The following SCN4B variants were observed in gnomAD, a reference collection of about 807,000 sequenced individuals.
SCN4B encodes sodium channel regulatory subunit beta-4.
Under a neutral mutation model 19.6 loss-of-function variants are expected in SCN4B, and 20 were observed. That is an observed-to-expected ratio of 1.02 (90% confidence interval 0.72 to 1.48). The LOEUF (loss-of-function observed/expected upper bound fraction) is 1.48. Among genes scored for constraint, SCN4B ranks in the 40% most tolerant of loss-of-function variants. The pLI is 0.00. For missense variants in SCN4B, 271 were observed against 287.5 expected (o/e 0.94, Z 0.42); for synonymous variants, 127 against 122.8 (o/e 1.03, Z -0.22).
At chr11:118,137,594 C>T (rs999351837) in intron 4 of SCN4B, among the ~76,000 whole-genome samples, 1 of 152,214 alleles carries the variant, frequency 6.6e-6, no homozygotes, top group Non-Finnish European at 1.5e-5. Flanking sequence ...TCGCTTGAAC[C>T]TGGGAGGCGG....
intron 4 of SCN4B, among the ~76,000 whole-genome samples, chr11:118,138,339 A>T (rs1275365994): frequency 1.3e-5 from 2 of 152,130 alleles, no homozygotes; most frequent in East Asian, 3.9e-4. Flanking sequence ...ATCTTCCTAG[A>T]TCCCTTTTTC....
chr11:118,141,119 A>C (rs1386984438), intron 4 of SCN4B, 88 bp downstream of exon 4: 1 of 1,459,308 alleles, frequency 6.9e-7, no homozygotes, highest in East Asian at 2.3e-5. Flanking sequence ...GGGAAGGAGG[A>C]GGCAGGTGGA....
At chr11:118,137,257 A>G in intron 4 of SCN4B, 137 bp from the exon 5 acceptor site, 1 of 709,118 alleles carries the variant, frequency 1.4e-6, no homozygotes, top group Non-Finnish European at 2.6e-6. Context: ...GCCAGAGGCC[A>G]TGTCACCTAA....
chr11:118,144,987 G>C lies in SCN4B; in HGVS notation c.234+70C>G, dbSNP rs1187832259. 11 of 1,488,920 alleles carry C rather than the reference G, an allele frequency of 7.4e-6. No individual in the cohort carries two copies. In the Admixed American group the frequency reaches 1.8e-4, roughly 25 times the overall value. The allele number at this position is 1,488,920 out of a possible 1,614,324, so 92.2% of individuals were successfully genotyped here. A position where few individuals can be genotyped will look rare whatever the true frequency, so the allele number is the denominator to read the frequency against. ...TCGCAGTGGGTCTCAGTCCAGAAGG[G>C]ACCAGAGCGTAGGAGGCGAGGCATG... On this transcript the variant is annotated intron_variant, in intron 2 of 4. Coordinates refer to ENST00000324727, the MANE Select transcript of SCN4B (RefSeq NM_174934.4).
chr11:118,143,882 C>T lies in SCN4B; in HGVS notation c.414G>A (p.Glu138=). 6.2e-7 allele frequency: 1 copy of T among 1,613,438 alleles called. No individual in the cohort carries two copies. The highest frequency in any genetic ancestry group is 1.1e-5 in the South Asian group (1 of 91,020). ...TGGTGGCGTGGTGCTGGAGATTATT[C>T]TCCTTGGGGTTCTTCACATGGCAGG... ...KYTCHVKNPK[E]NNLQHHATIF... Residue 138 remains glutamate (E), a synonymous_variant, in exon 3 of 5, where the codon GAG becomes GAA. Transcript: ENST00000324727.
chr11:118,140,273 T>A (rs1210965047), intron 4 of SCN4B, among the ~76,000 whole-genome samples: 1 of 152,180 alleles, frequency 6.6e-6, no homozygotes, highest in Non-Finnish European at 1.5e-5. Context: ...GACAACCCAG[T>A]TCTGGGGTCC....
At chr11:118,151,058 G>A (rs148105265) in intron 1 of SCN4B, among the ~76,000 whole-genome samples, 3 of 152,230 alleles carry the variant, frequency 2.0e-5, no homozygotes, top group East Asian at 1.9e-4. Context: ...AGTCCTTGGA[G>A]AAGGTGGGGC....
intron 1 of SCN4B, chr11:118,145,756 G>C (rs935691661): frequency 1.5e-5 from 4 of 259,530 alleles, no homozygotes; most frequent in African/African-American, 8.9e-5. Flanking sequence ...CGCAGTCCCG[G>C]GCCGCCGTCC....
rs1212193501 is a variant in SCN4B at position 118,135,634 on chromosome 11, G to A, written c.*1393C>T. The stretch of plus-strand genomic sequence containing the variant: ...ACCTGGCCGACATCTCCAAGATTCA[G>A]TCACTGGCCAATTCCAGCCTCATGG... On this transcript the variant is annotated 3_prime_UTR_variant, in exon 5 of 5. Coordinates refer to ENST00000324727, the MANE Select transcript of SCN4B (RefSeq NM_174934.4). 1 of 454,274 alleles carries A rather than the reference G, an allele frequency of 2.2e-6. No homozygotes were observed. The highest frequency in any genetic ancestry group is 4.4e-6 in the Non-Finnish European group (1 of 226,776). The allele number at this position is 454,274 out of a possible 1,614,324, so 28.1% of individuals were successfully genotyped here. A position where few individuals can be genotyped will look rare whatever the true frequency, so the allele number is the denominator to read the frequency against.
At chr11:118,145,743 C>A (rs976493497) in intron 1 of SCN4B, 2 of 259,914 alleles carry the variant, frequency 7.7e-6, no homozygotes, top group East Asian at 2.0e-4. Flanking sequence ...GAAACGCGGC[C>A]GCCGCAGTCC....
Position 118,134,475 on chromosome 11 carries a change from A to G in SCN4B, c.*2552T>C. ...TCCATGGGTATAATGTTGACATGGG[A>G]CAGGATGATTCTTTGTTGTGGGGAC... On this transcript the variant is annotated 3_prime_UTR_variant, in exon 5 of 5. Coordinates refer to ENST00000324727, the MANE Select transcript of SCN4B (RefSeq NM_174934.4). The G allele has an allele frequency of 4.4e-6, 2 of 454,096 alleles. No individual in the cohort carries two copies. Among genetic ancestry groups the G allele is most frequent in the Non-Finnish European group, 8.8e-6 (2 of 226,790 alleles). 28.1% of individuals were successfully genotyped at this position (454,096 alleles called of 1,614,324 possible).
rs145423567 is a variant in SCN4B, at chr11:118,138,616, A to C, written c.594-1496T>G. Among the ~76,000 whole-genome samples, 1,206 of 152,280 alleles carry C rather than the reference A, an allele frequency of 7.9e-3. 15 individuals carry two copies. The highest frequency in any genetic ancestry group is 0.027 in the African/African-American group (1,105 of 41,540). On this transcript the variant is annotated intron_variant, in intron 4 of 4. Transcript: ENST00000324727. Reference sequence around the variant, plus strand: ...CTCTACTGAGAACCTACTGGGTACCAGGCACTGTGTCGGAAACGTGCACTC... The same window carrying C: ...CTCTACTGAGAACCTACTGGGTACCCGGCACTGTGTCGGAAACGTGCACTC...
chr11:118,136,577 C>T lies in SCN4B; in HGVS notation c.*450G>A. On this transcript the variant is annotated 3_prime_UTR_variant, in exon 5 of 5. Coordinates refer to ENST00000324727, the MANE Select transcript of SCN4B (RefSeq NM_174934.4). ...CAGGTCTTCTCCAGAGGCCTCCAGC[C>T]CACTCCCACCTCCAAAGGAAGCCAC... 1 of 454,426 alleles carries T rather than the reference C, an allele frequency of 2.2e-6. No individual in the cohort carries two copies. The highest frequency in any genetic ancestry group is 4.4e-6 in the Non-Finnish European group (1 of 227,056). The allele number at this position is 454,426 out of a possible 1,614,324, so 28.1% of individuals were successfully genotyped here. A position where few individuals can be genotyped will look rare whatever the true frequency, so the allele number is the denominator to read the frequency against.
At chr11:118,140,401 GA>G (rs1948079138) in intron 4 of SCN4B, among the ~76,000 whole-genome samples, 1 of 152,168 alleles carries the variant, frequency 6.6e-6, no homozygotes. Context: ...CTTCTCAGCA[GA>G]GCAGAATGTT....
Position 118,133,748 on chromosome 11 carries a change from C to G in SCN4B, c.*3279G>C, listed in dbSNP as rs145392070. 1 of 454,530 alleles carries G rather than the reference C, an allele frequency of 2.2e-6. No homozygotes were observed. Among genetic ancestry groups the G allele is most frequent in the South Asian group, 1.6e-5 (1 of 64,480 alleles). 28.2% of individuals were successfully genotyped at this position (454,530 alleles called of 1,614,324 possible). A position where few individuals can be genotyped will look rare whatever the true frequency, so the allele number is the denominator to read the frequency against. On this transcript the variant is annotated 3_prime_UTR_variant, in exon 5 of 5. Coordinates refer to ENST00000324727, the MANE Select transcript of SCN4B (RefSeq NM_174934.4). ...TTATAGGATTTTCCCGAGAAGTCCCCGCTCCTGGAACTCCCTACTGCCAGC... is the reference window on the plus strand; with the variant it reads ...TTATAGGATTTTCCCGAGAAGTCCCGGCTCCTGGAACTCCCTACTGCCAGC...
At chr11:118,139,057 C>T (rs1049629710) in intron 4 of SCN4B, among the ~76,000 whole-genome samples, 1 of 152,132 alleles carries the variant, frequency 6.6e-6, no homozygotes, top group East Asian at 1.9e-4. Flanking sequence ...GCTCTCTGAT[C>T]GTGCCAGGGC....
intron 2 of SCN4B, 25 bp from the exon 3 acceptor site, chr11:118,144,086 G>A (rs1948136829): frequency 1.3e-6 from 2 of 1,520,088 alleles, no homozygotes; most frequent in Non-Finnish European, 1.8e-6. Flanking sequence ...GAGTTGGGGT[G>A]AGAAAGTAGC....
chr11:118,151,868 A>G (rs1306977482), intron 1 of SCN4B, among the ~76,000 whole-genome samples: 2 of 152,252 alleles, frequency 1.3e-5, no homozygotes, highest in African/African-American at 4.8e-5. Flanking sequence ...GCATATTAAT[A>G]GATATTAATA....
intron 4 of SCN4B, among the ~76,000 whole-genome samples, chr11:118,138,480 ATC>A (rs200427801): frequency 6.6e-6 from 1 of 151,878 alleles, no homozygotes; most frequent in African/African-American, 2.4e-5. Flanking sequence ...GGATGGATCC[ATC>A]TCTCTCTCTC....
Sources: gnomAD v4.1 joint callset for allele counts (sites outside exome capture counted in the v4.1 genomes callset) on GRCh38, gnomAD v4.1.1 for gene constraint, MANE v1.5 for transcripts, NCBI Gene and HGNC (gene_info 2026-07-23, HGNC 2026-07-21) for gene names.